The following GNB1 variants were observed in gnomAD, a reference collection of about 807,000 sequenced individuals.
The protein encoded by GNB1 is guanine nucleotide-binding protein G(I)/G(S)/G(T) subunit beta-1.
In GNB1, 2 loss-of-function variants were observed where a neutral mutation model predicts 42.9. That is an observed-to-expected ratio of 0.05 (90% CI 0.02 to 0.15). The LOEUF (loss-of-function observed/expected upper bound fraction) is 0.15. GNB1 is among the 10% of genes least tolerant of loss of function. The pLI is 1.00. For synonymous variants in GNB1, 183 were observed against 174.7 expected, an observed-to-expected ratio of 1.05 and a Z score of -0.38; for missense variants, 193 against 462.2, an observed-to-expected ratio of 0.42 and a Z score of 5.34.
At position 1,785,847 on chromosome 1, in the gene GNB1, C is replaced by G. The variant is rs1646398699; in HGVS notation, c.*1216G>C. ...ATAAAGAAAACAGTGACTTATCCCG[C>G]TACCCAAGCGTGTAGAGCCGCGCGC... On this transcript the variant is annotated 3_prime_UTR_variant, in exon 12 of 12. Transcript: ENST00000378609. 1 of 395,262 alleles carries G rather than the reference C, an allele frequency of 2.5e-6. No homozygotes were observed. Among genetic ancestry groups the G allele is most frequent in the East Asian group, 3.6e-5 (1 of 27,846 alleles). The allele number at this position is 395,262 out of a possible 1,614,324, so 24.5% of individuals were successfully genotyped here. A position where few individuals can be genotyped will look rare whatever the true frequency, so the allele number is the denominator to read the frequency against.
chr1:1,890,406 C>A (rs1389635602), intron 1 of GNB1: 1 of 150,690 alleles, frequency 6.6e-6, no homozygotes, highest in Admixed American at 6.6e-5. Flanking sequence ...GCCGACACCG[C>A]CCCGCCTGCA....
chr1:1,795,577 G>A (rs989955533), intron 7 of GNB1, among the ~76,000 whole-genome samples: 5 of 152,044 alleles, frequency 3.3e-5, no homozygotes, highest in Non-Finnish European at 2.9e-5. Context: ...GTGAAACCCC[G>A]TCTCTACTAA....
chr1:1,825,248 A>G, intron 3 of GNB1, 149 bp downstream of exon 3: 2 of 666,744 alleles, frequency 3.0e-6, no homozygotes, highest in Non-Finnish European at 2.7e-6. Context: ...AAGTATCTAG[A>G]TCTATAATTA....
chr1:1,842,029 C>A (rs1386098566), intron 1 of GNB1, among the ~76,000 whole-genome samples: 1 of 152,212 alleles, frequency 6.6e-6, no homozygotes, highest in Non-Finnish European at 1.5e-5. Flanking sequence ...TAAAGGAGGC[C>A]GAGCGTGGTG....
chr1:1,865,361 C>T (rs898913013), intron 1 of GNB1, among the ~76,000 whole-genome samples: 1 of 150,126 alleles, frequency 6.7e-6, no homozygotes, highest in Non-Finnish European at 1.5e-5. Flanking sequence ...CCGAGGAGGG[C>T]GGATCACAAG....
chr1:1,846,578 A>G lies in GNB1; in HGVS notation c.-95-7340T>C, dbSNP rs533566426. Among the ~76,000 whole-genome samples, 8 of 152,158 alleles carry G rather than the reference A, an allele frequency of 5.3e-5. No homozygotes were observed. In the East Asian group the frequency reaches 1.2e-3, roughly 22 times the overall value. On this transcript the variant is annotated intron_variant, in intron 1 of 11. Transcript: ENST00000378609. ...TGAGACTCCATCTCAAAATCAATCA[A>G]TCAATCAATCAGAGTCTCACTGTCA...
At chr1:1,830,859 A>C (rs961959205) in intron 2 of GNB1, among the ~76,000 whole-genome samples, 1 of 152,144 alleles carries the variant, frequency 6.6e-6, no homozygotes, top group Non-Finnish European at 1.5e-5. Context: ...GCCTAAAGTT[A>C]ACTTTTTAAA....
In GNB1 at chr1:1,787,475, G is replaced by A; in HGVS notation, c.917-38C>T. On this transcript the variant is annotated intron_variant, in intron 10 of 11. Transcript: ENST00000378609. This position sits in a 1 kb window ranked among gnomAD's most constrained non-coding sequence, Gnocchi z 4.4. Reference sequence around the variant, plus strand: ...AACAGCAGAATCACACCAAAGCCCAGAGGCATCGATCTCACCTGTGTGCCA... The same window carrying A: ...AACAGCAGAATCACACCAAAGCCCAAAGGCATCGATCTCACCTGTGTGCCA... The A allele has an allele frequency of 8.0e-7, 1 of 1,250,676 alleles. No homozygotes were observed. The highest frequency in any genetic ancestry group is 2.3e-5 in the East Asian group (1 of 43,178). The allele number at this position is 1,250,676 out of a possible 1,614,324, so 77.5% of individuals were successfully genotyped here. A position where few individuals can be genotyped will look rare whatever the true frequency, so the allele number is the denominator to read the frequency against.
chr1:1,869,458 T>C (rs184891572), intron 1 of GNB1, among the ~76,000 whole-genome samples: 13 of 152,284 alleles, frequency 8.5e-5, no homozygotes, highest in East Asian at 7.7e-4. Context: ...GTGGGTGGGA[T>C]GAAGTCAGAG....
At chr1:1,855,714 CA>C (rs1009219172) in intron 1 of GNB1, among the ~76,000 whole-genome samples, 2 of 149,472 alleles carry the variant, frequency 1.3e-5, no homozygotes, top group South Asian at 4.2e-4. Context: ...AAAAAAAAAA[CA>C]AAAAAAAACT....
chr1:1,857,654 C>T (rs1361714545), intron 1 of GNB1, among the ~76,000 whole-genome samples: 1 of 152,092 alleles, frequency 6.6e-6, no homozygotes, highest in Admixed American at 6.6e-5. Flanking sequence ...ACAAACTTCT[C>T]TACATGTGCA....
intron 1 of GNB1, among the ~76,000 whole-genome samples, chr1:1,868,449 C>T (rs1372045810): frequency 6.6e-6 from 1 of 152,174 alleles, no homozygotes; most frequent in Non-Finnish European, 1.5e-5. Context: ...GGATTACAAG[C>T]ATGAGACACC....
At chr1:1,876,470 A>C (rs1466981096) in intron 1 of GNB1, among the ~76,000 whole-genome samples, 2 of 149,776 alleles carry the variant, frequency 1.3e-5, no homozygotes, top group Admixed American at 1.3e-4. Context: ...AGAGAGCAAG[A>C]GAGAGGACAT....
chr1:1,803,068 T>C (rs1009064875), intron 7 of GNB1, among the ~76,000 whole-genome samples: 4 of 152,244 alleles, frequency 2.6e-5, no homozygotes, highest in Admixed American at 6.5e-5. Flanking sequence ...ACTGTAGTAC[T>C]AGTGACTCCA....
chr1:1,809,454 A>G (rs539852692), intron 5 of GNB1, among the ~76,000 whole-genome samples: 2 of 152,288 alleles, frequency 1.3e-5, no homozygotes, highest in South Asian at 4.1e-4. Flanking sequence ...CCCAGCCTTC[A>G]GTTGCAATTC....
chr1:1,800,104 C>T (rs1032686628), intron 7 of GNB1, among the ~76,000 whole-genome samples: 2 of 152,148 alleles, frequency 1.3e-5, no homozygotes, highest in African/African-American at 4.8e-5. Context: ...CTCTATGACA[C>T]AACATTTACA....
At chr1:1,858,851 C>G (rs1170021277) in intron 1 of GNB1, among the ~76,000 whole-genome samples, 1 of 152,130 alleles carries the variant, frequency 6.6e-6, no homozygotes, top group Non-Finnish European at 1.5e-5. Context: ...TTTGCAGTGG[C>G]TGCTGTGATA....
rs568734098 is a variant in GNB1 at position 1,852,078 on chromosome 1, G to GA, written c.-95-12841dup. Among the ~76,000 whole-genome samples, 842 of 145,580 alleles carry GA rather than the reference G, an allele frequency of 5.8e-3. 9 individuals carry two copies. Among genetic ancestry groups the GA allele is most frequent in the South Asian group, 0.03 (138 of 4,610 alleles). On this transcript the variant is annotated intron_variant, in intron 1 of 11. Transcript: ENST00000378609. ...AAATAAAGAGACATTCACTTTACTGGAAAAAAAAAAATCAACATATTGTGG... is the reference window on the plus strand; with the variant it reads ...AAATAAAGAGACATTCACTTTACTGGAAAAAAAAAAAATCAACATATTGTGG...
intron 1 of GNB1, among the ~76,000 whole-genome samples, chr1:1,875,831 A>G (rs910898848): frequency 6.8e-5 from 2 of 29,592 alleles, no homozygotes; most frequent in Non-Finnish European, 1.2e-4. Context: ...AGCAGGTTCA[A>G]CAGTGTCCCC....
Sources: gnomAD v4.1 joint callset for allele counts (sites outside exome capture counted in the v4.1 genomes callset) on GRCh38, gnomAD v4.1.1 for gene constraint, Gnocchi (gnomAD v3.1) non-coding constraint, MANE v1.5 for transcripts, NCBI Gene and HGNC (gene_info 2026-07-23, HGNC 2026-07-21) for gene names.